DCDC1: variants seen among roughly 807,000 people sequenced by gnomAD.
DCDC1 encodes doublecortin domain-containing protein 1.
In DCDC1, 200 loss-of-function variants were observed where a neutral mutation model predicts 178.3. That is an observed-to-expected ratio of 1.12 (90% CI 1.00 to 1.26). The LOEUF is 1.26. Ranked by LOEUF, DCDC1 falls within the 50% of genes most tolerant of loss-of-function variation. The pLI, the probability that DCDC1 is intolerant of heterozygous loss-of-function variation, is 0.00. For synonymous variants in DCDC1, 690 were observed against 604.8 expected, an observed-to-expected ratio of 1.14 and a Z score of -2.07; for missense variants, 1,983 against 1,749.2, an observed-to-expected ratio of 1.13 and a Z score of -2.38.
intron 11 of DCDC1, among the ~76,000 whole-genome samples, chr11:31,116,886 G>A (rs1375506193): frequency 6.6e-6 from 1 of 151,408 alleles, no homozygotes; most frequent in African/African-American, 2.4e-5. Context: ...TTTTTTTTAA[G>A]CCCAGAAAAG....
chr11:31,293,678 G>A (rs1324168967), intron 6 of DCDC1, among the ~76,000 whole-genome samples: 1 of 152,148 alleles, frequency 6.6e-6, no homozygotes. Context: ...GTGATTTATA[G>A]ATACTACCTT....
chr11:31,137,382 C>T (rs142429028), intron 10 of DCDC1, among the ~76,000 whole-genome samples: 36 of 141,462 alleles, frequency 2.5e-4, no homozygotes, highest in African/African-American at 8.2e-4. Context: ...TACGGAGTCT[C>T]GCTGTTGCCC....
At chr11:31,298,675 C>T (rs916534337) in intron 6 of DCDC1, among the ~76,000 whole-genome samples, 1 of 152,154 alleles carries the variant, frequency 6.6e-6, no homozygotes, top group Non-Finnish European at 1.5e-5. Flanking sequence ...TCTTAGCTTG[C>T]TTTTCTGTTA....
intron 38 of DCDC1, among the ~76,000 whole-genome samples, chr11:30,875,206 T>C (rs887949104): frequency 6.6e-6 from 1 of 152,190 alleles, no homozygotes; most frequent in Non-Finnish European, 1.5e-5. Context: ...TCTTTGTTGA[T>C]CTTGCTTTGT....
chr11:31,194,086 T>C (rs767465363), intron 9 of DCDC1, among the ~76,000 whole-genome samples: 8 of 152,098 alleles, frequency 5.3e-5, no homozygotes, highest in Non-Finnish European at 1.0e-4. Flanking sequence ...CTGAATGTTC[T>C]TAGCCCCAGC....
At chr11:31,030,551 T>C (rs1487882696) in intron 20 of DCDC1, among the ~76,000 whole-genome samples, 1 of 152,154 alleles carries the variant, frequency 6.6e-6, no homozygotes, top group East Asian at 1.9e-4. Flanking sequence ...TGAGTTGCAT[T>C]TGGAAATGCC....
intron 7 of DCDC1, among the ~76,000 whole-genome samples, chr11:31,283,384 G>C (rs533806624): frequency 6.8e-6 from 1 of 147,168 alleles, no homozygotes; most frequent in Admixed American, 6.8e-5. Context: ...TTTGTTTTTT[G>C]TTTTTTTTGC....
In DCDC1 at chr11:30,915,301, T is replaced by C. The variant is rs566527697; in HGVS notation, c.3653+210A>G. Among the ~76,000 whole-genome samples, 281 of 152,310 alleles carry C rather than the reference T, an allele frequency of 1.8e-3. 1 individual carries two copies. The highest frequency in any genetic ancestry group is 6.3e-3 in the African/African-American group (262 of 41,560). ...GGGAACATTCCTCCTCTGAATCTGA[T>C]TGTGGATAAATTGTATGTAGCTTAC... On this transcript the variant is annotated intron_variant, in intron 27 of 38. Coordinates refer to ENST00000684477, the MANE Select transcript of DCDC1 (RefSeq NM_001387274.1).
At chr11:31,128,036 T>A (rs1961893595) in intron 10 of DCDC1, among the ~76,000 whole-genome samples, 1 of 152,094 alleles carries the variant, frequency 6.6e-6, no homozygotes, top group Admixed American at 6.5e-5. Flanking sequence ...ACTACATGTA[T>A]CTTCCTTTTT....
intron 9 of DCDC1, among the ~76,000 whole-genome samples, chr11:31,205,423 A>G (rs1971754122): frequency 6.6e-6 from 1 of 152,192 alleles, no homozygotes; most frequent in African/African-American, 2.4e-5. Flanking sequence ...TTAAGAAGTT[A>G]GGTTTGGCTG....
chr11:31,274,453 T>C (rs947298248), intron 7 of DCDC1, among the ~76,000 whole-genome samples: 2 of 148,460 alleles, frequency 1.3e-5, no homozygotes, highest in African/African-American at 2.5e-5. Context: ...GTAGGTGGCA[T>C]AAGGAAGGCT....
chr11:31,112,414 A>G (rs1317041793), intron 11 of DCDC1, among the ~76,000 whole-genome samples: 2 of 152,214 alleles, frequency 1.3e-5, no homozygotes, highest in African/African-American at 4.8e-5. Context: ...AATTAAAAGT[A>G]GTCTACCTTT....
At chr11:31,107,323 G>T in intron 12 of DCDC1, among the ~76,000 whole-genome samples, 1 of 152,112 alleles carries the variant, frequency 6.6e-6, no homozygotes, top group East Asian at 1.9e-4. Context: ...TACACATTTT[G>T]TTAGGGGCCT....
intron 20 of DCDC1, among the ~76,000 whole-genome samples, chr11:30,981,330 T>A (rs1211596190): frequency 6.6e-6 from 1 of 152,120 alleles, no homozygotes; most frequent in Non-Finnish European, 1.5e-5. Context: ...ATGTACCCCA[T>A]GAATTAAAAT....
chr11:31,274,238 C>T (rs1945805932), intron 7 of DCDC1, among the ~76,000 whole-genome samples: 1 of 152,208 alleles, frequency 6.6e-6, no homozygotes. Context: ...GGTACCCCAA[C>T]ATTTCATCTT....
At chr11:31,012,849 A>G (rs1952256162) in intron 20 of DCDC1, among the ~76,000 whole-genome samples, 1 of 152,208 alleles carries the variant, frequency 6.6e-6, no homozygotes. Flanking sequence ...AAACCATGCT[A>G]TATCTTGTTG....
intron 9 of DCDC1, among the ~76,000 whole-genome samples, chr11:31,226,852 AT>A (rs1309827920): frequency 6.6e-6 from 1 of 152,014 alleles, no homozygotes; most frequent in Non-Finnish European, 1.5e-5. Context: ...AGAAAAAGAC[AT>A]TTTTTCTCAT....
chr11:30,979,018 C>A (rs563751081), intron 20 of DCDC1, among the ~76,000 whole-genome samples: 1 of 152,232 alleles, frequency 6.6e-6, no homozygotes, highest in South Asian at 2.1e-4. Flanking sequence ...CTTTCAAATA[C>A]AGAGATAGGA....
chr11:31,087,111 T>C (rs1957528048), intron 17 of DCDC1, among the ~76,000 whole-genome samples: 1 of 152,106 alleles, frequency 6.6e-6, no homozygotes, highest in Non-Finnish European at 1.5e-5. Flanking sequence ...CATTGGTGAT[T>C]TGTGTCTTTT....
Sources: allele counts gnomAD v4.1 joint callset (sites outside exome capture counted in the v4.1 genomes callset), GRCh38; gene constraint gnomAD v4.1.1; transcripts MANE v1.5; gene names NCBI Gene and HGNC (gene_info 2026-07-23, HGNC 2026-07-21).